The following LRRC20 variants were observed in gnomAD, a reference collection of about 807,000 sequenced individuals.
LRRC20 encodes leucine rich repeat containing 20, also known as leucine-rich repeat-containing protein 20.
Under a neutral mutation model 14.4 loss-of-function variants are expected in LRRC20, and 11 were observed. That is an observed-to-expected ratio of 0.77 (90% CI 0.48 to 1.27). The LOEUF (loss-of-function observed/expected upper bound fraction) is 1.27. LRRC20 is among the 50% of genes most tolerant of loss of function. The pLI is 0.00. For missense variants in LRRC20, 219 were observed against 251.2 expected, an observed-to-expected ratio of 0.87 and a Z score of 0.87; for synonymous variants, 121 against 107.3, an observed-to-expected ratio of 1.13 and a Z score of -0.79.
chr10:70,327,364 CA>C (rs59094263), intron 3 of LRRC20, among the ~76,000 whole-genome samples: 82,728 of 151,732 alleles, frequency 0.55, 22,663 homozygotes, highest in African/African-American at 0.59. Flanking sequence ...CACTTGAGAT[CA>C]AGAGTTCGAG....
At chr10:70,346,639 C>T (rs1382017212) in intron 2 of LRRC20, among the ~76,000 whole-genome samples, 1 of 152,076 alleles carries the variant, frequency 6.6e-6, no homozygotes, top group Non-Finnish European at 1.5e-5. Context: ...AAACCATATG[C>T]ACATTGTAAT....
chr10:70,358,155 C>A (rs1379928930), intron 2 of LRRC20, among the ~76,000 whole-genome samples: 2 of 152,178 alleles, frequency 1.3e-5, no homozygotes, highest in African/African-American at 2.4e-5. Context: ...TGTCTTTGGG[C>A]AAGTCACTTA....
Position 70,376,937 on chromosome 10 carries a change from C to T in LRRC20, c.-63-341G>A, listed in dbSNP as rs148774596. 5.0e-3 allele frequency among the ~76,000 whole-genome samples: 761 copies of T among 152,334 alleles called. 13 individuals carry two copies. Among genetic ancestry groups the T allele is most frequent in the African/African-American group, 9.2e-3 (381 of 41,576 alleles). ...CCTGTGATTCACTCTATAGGCAGGG[C>T]ATTGGGAAGGAGGTAGGGCGCAGCC... On this transcript the variant is annotated intron_variant, in intron 1 of 4. Transcript: ENST00000446961.
At chr10:70,311,365 G>A (rs1406299123) in intron 4 of LRRC20, among the ~76,000 whole-genome samples, 1 of 151,642 alleles carries the variant, frequency 6.6e-6, no homozygotes, top group African/African-American at 2.4e-5. Context: ...GGGATTACAG[G>A]TGCACACCAC....
intron 2 of LRRC20, among the ~76,000 whole-genome samples, chr10:70,364,117 T>C (rs1843870849): frequency 1.3e-5 from 2 of 152,210 alleles, no homozygotes; most frequent in African/African-American, 4.8e-5. Context: ...CTCTCAGAGC[T>C]GGACTGTGCC....
intron 4 of LRRC20, among the ~76,000 whole-genome samples, chr10:70,313,491 T>C (rs1216774308): frequency 6.6e-6 from 1 of 152,162 alleles, no homozygotes; most frequent in Non-Finnish European, 1.5e-5. Context: ...TAAAACTGCC[T>C]CTGCAAAAGT....
intron 3 of LRRC20, among the ~76,000 whole-genome samples, chr10:70,325,061 G>A (rs1310756108): frequency 2.0e-5 from 3 of 152,118 alleles, no homozygotes; most frequent in Non-Finnish European, 4.4e-5. Context: ...TGGCCTTACA[G>A]TGAGTCTCTC....
chr10:70,305,313 A>G (rs1841379372), intron 4 of LRRC20, among the ~76,000 whole-genome samples: 1 of 152,228 alleles, frequency 6.6e-6, no homozygotes, highest in South Asian at 2.1e-4. Flanking sequence ...TGCTGCTAAG[A>G]ACATGAGTGC....
At position 70,300,220 on chromosome 10, in the gene LRRC20, G is replaced by A. The variant is rs190789984; in HGVS notation, c.*1134C>T. The stretch of plus-strand genomic sequence containing the variant: ...TTCTTCAAGCCACAGGCGTTCTCGG[G>A]AAGCAAGAGCCCCAGGCCCTCTCCT... On this transcript the variant is annotated 3_prime_UTR_variant, in exon 5 of 5. Coordinates refer to ENST00000446961, the MANE Select transcript of LRRC20 (RefSeq NM_001278212.2). 9.6e-5 allele frequency: 32 copies of A among 334,612 alleles called. No homozygotes were observed. Among genetic ancestry groups the A allele is most frequent in the African/African-American group, 6.9e-4 (31 of 44,772 alleles). The allele number at this position is 334,612 out of a possible 1,614,324, so 20.7% of individuals were successfully genotyped here.
chr10:70,301,484 G>A lies in LRRC20; in HGVS notation c.425C>T (p.Ala142Val), dbSNP rs373956189. The change falls in exon 5 of 5, where the codon GCC becomes GTC. Residue 142 changes from alanine to valine, a missense_variant. Transcript: ENST00000446961. ...GTTGATGCTGCGCAAGGCTGGCATGGCGGCCAGCTTCTCCACGGGCACATC... is the reference window on the plus strand; with the variant it reads ...GTTGATGCTGCGCAAGGCTGGCATGACGGCCAGCTTCTCCACGGGCACATC... ...IVDVPVEKLA[A>V]MPALRSINLR... The A allele has an allele frequency of 4.3e-6, 7 of 1,613,936 alleles. No individual in the cohort carries two copies. The African/African-American group carries it at 6.7e-5, about 15-fold the overall frequency.
intron 3 of LRRC20, among the ~76,000 whole-genome samples, chr10:70,325,898 G>GAATTATAT (rs201311247): frequency 0.011 from 1,657 of 151,890 alleles, 32 homozygotes; most frequent in African/African-American, 0.038. Flanking sequence ...CACAAAATAT[G>GAATTATAT]AATTTCATGA....
chr10:70,327,628 A>G (rs1353165976), intron 3 of LRRC20, among the ~76,000 whole-genome samples: 1 of 152,148 alleles, frequency 6.6e-6, no homozygotes, highest in Non-Finnish European at 1.5e-5. Flanking sequence ...TTACTATGCT[A>G]ATAGAGCACT....
At chr10:70,310,074 C>T (rs1326915792) in intron 4 of LRRC20, among the ~76,000 whole-genome samples, 1 of 152,202 alleles carries the variant, frequency 6.6e-6, no homozygotes, top group East Asian at 1.9e-4. Context: ...AATTTAACCG[C>T]AAAAGTCATT....
intron 4 of LRRC20, among the ~76,000 whole-genome samples, chr10:70,305,381 C>T (rs977785591): frequency 6.6e-6 from 1 of 152,010 alleles, no homozygotes; most frequent in Non-Finnish European, 1.5e-5. Flanking sequence ...GTGATGTATA[C>T]CCAGATGTAT....
chr10:70,381,061 C>T (rs2137197434), intron 1 of LRRC20, among the ~76,000 whole-genome samples: 1 of 152,338 alleles, frequency 6.6e-6, no homozygotes, highest in South Asian at 2.1e-4. Context: ...AACTGCAGCC[C>T]TCTTACAAGG....
At chr10:70,305,708 C>T (rs938110239) in intron 4 of LRRC20, among the ~76,000 whole-genome samples, 1 of 151,038 alleles carries the variant, frequency 6.6e-6, no homozygotes, top group Non-Finnish European at 1.5e-5. Flanking sequence ...TAAAAACTAG[C>T]AAAAATACCA....
At chr10:70,375,013 T>C (rs1376787525) in intron 2 of LRRC20, among the ~76,000 whole-genome samples, 1 of 151,576 alleles carries the variant, frequency 6.6e-6, no homozygotes, top group East Asian at 1.9e-4. Context: ...GGTGGCAGAG[T>C]AGAGATTCAA....
chr10:70,327,816 C>G (rs1318491292), intron 3 of LRRC20, among the ~76,000 whole-genome samples: 1 of 152,098 alleles, frequency 6.6e-6, no homozygotes, highest in African/African-American at 2.4e-5. Context: ...GGATGTGAAC[C>G]CCAGCCAGCC....
In LRRC20 at chr10:70,300,618, G is replaced by A; in HGVS notation, c.*736C>T. 1.0e-6 allele frequency: 1 copy of A among 985,574 alleles called. No individual in the cohort carries two copies. The highest frequency in any genetic ancestry group is 4.7e-5 in the South Asian group (1 of 21,292). 61.1% of individuals were successfully genotyped at this position (985,574 alleles called of 1,614,324 possible). On this transcript the variant is annotated 3_prime_UTR_variant, in exon 5 of 5. Coordinates refer to ENST00000446961, the MANE Select transcript of LRRC20 (RefSeq NM_001278212.2). ...GCTCAGGAGTGATGCTAGAGGGACGGAGCACTCAGGACTTCCCACCCCGCC... is the reference window on the plus strand; with the variant it reads ...GCTCAGGAGTGATGCTAGAGGGACGAAGCACTCAGGACTTCCCACCCCGCC...
Sources: allele counts gnomAD v4.1 joint callset (sites outside exome capture counted in the v4.1 genomes callset), GRCh38; gene constraint gnomAD v4.1.1; transcripts MANE v1.5; gene names NCBI Gene and HGNC (gene_info 2026-07-23, HGNC 2026-07-21).